The following DDI2 variants were observed in gnomAD, a reference collection of about 807,000 sequenced individuals.
DDI2 encodes DDI proteasomal shuttling factor 2, also known as protein DDI1 homolog 2.
Under a neutral mutation model 48.1 loss-of-function variants are expected in DDI2, and 5 were observed. The observed-to-expected ratio is 0.10, with a 90% CI of 0.05 to 0.22. DDI2 has a LOEUF of 0.22. DDI2 is among the 10% of genes least tolerant of loss of function. The pLI, the probability that DDI2 is intolerant of heterozygous loss-of-function variation, is 1.00. For missense variants in DDI2, 285 were observed against 506.2 expected, an observed-to-expected ratio of 0.56 and a Z score of 4.19; for synonymous variants, 205 against 183.6, an observed-to-expected ratio of 1.12 and a Z score of -0.94.
chr1:15,652,662 A>G (rs1348543523), intron 8 of DDI2, among the ~76,000 whole-genome samples: 2 of 151,900 alleles, frequency 1.3e-5, no homozygotes, highest in Non-Finnish European at 2.9e-5. Context: ...TCTCTACTAA[A>G]TATACAAAAA....
At chr1:15,620,642 A>T (rs1437662670) in intron 1 of DDI2, among the ~76,000 whole-genome samples, 1 of 152,054 alleles carries the variant, frequency 6.6e-6, no homozygotes, top group South Asian at 2.1e-4. Context: ...ACTTTCATTC[A>T]TGTATCCCTA....
rs539387238 is a variant in DDI2 at position 15,624,965 on chromosome 1, T to G, written c.139-1704T>G. The stretch of plus-strand genomic sequence containing the variant: ...ATAGTATTTTTTTTCAAGTCATGCA[T>G]AAAACTTGTATAATTGGGCCTACAA... On this transcript the variant is annotated intron_variant, in intron 1 of 9. Coordinates refer to ENST00000480945, the MANE Select transcript of DDI2 (RefSeq NM_032341.5). Among the ~76,000 whole-genome samples the G allele has an allele frequency of 3.9e-5, 6 of 152,258 alleles. No individual in the cohort carries two copies. In the South Asian group the frequency reaches 1.2e-3, roughly 32 times the overall value.
chr1:15,626,485 G>A (rs995256540), intron 1 of DDI2, among the ~76,000 whole-genome samples, 184 bp from the exon 2 acceptor site: 1 of 152,182 alleles, frequency 6.6e-6, no homozygotes, highest in Admixed American at 6.5e-5. Context: ...GAGAGCCAGG[G>A]ACCACATTGT....
At chr1:15,651,986 T>G in intron 8 of DDI2, 91 bp downstream of exon 8, 1 of 1,318,742 alleles carries the variant, frequency 7.6e-7, no homozygotes, top group Non-Finnish European at 1.0e-6. Flanking sequence ...CCTTTCCAGT[T>G]TTTAATTAGT....
intron 4 of DDI2, among the ~76,000 whole-genome samples, chr1:15,636,452 G>T (rs1329774426): frequency 1.3e-5 from 2 of 149,824 alleles, no homozygotes; most frequent in East Asian, 3.9e-4. Context: ...TTTGTTTGTT[G>T]AAGAGACAGG....
intron 5 of DDI2, 49 bp downstream of exon 5, chr1:15,638,483 C>G (rs373180986): frequency 8.0e-5 from 127 of 1,593,252 alleles, no homozygotes; most frequent in Non-Finnish European, 1.1e-4. Flanking sequence ...ACATCTTTAC[C>G]TGACACGGGA....
chr1:15,640,329 A>G (rs1208619654), intron 5 of DDI2, among the ~76,000 whole-genome samples: 1 of 152,226 alleles, frequency 6.6e-6, no homozygotes, highest in Non-Finnish European at 1.5e-5. Context: ...ACTTTGTTCT[A>G]TAATTCCTGT....
At chr1:15,640,810 A>T (rs1307352659) in intron 5 of DDI2, among the ~76,000 whole-genome samples, 1 of 152,150 alleles carries the variant, frequency 6.6e-6, no homozygotes, top group Non-Finnish European at 1.5e-5. Flanking sequence ...TATAAAGTGT[A>T]GGGTACCTGT....
chr1:15,651,910 C>G lies in DDI2; in HGVS notation c.1183+15C>G, dbSNP rs1253848987. On this transcript the variant is annotated intron_variant, in intron 8 of 9. Coordinates refer to ENST00000480945, the MANE Select transcript of DDI2 (RefSeq NM_032341.5). ...AGAGGATGCAGGTATTTGGGATGGCCAAACTCTTCAATACTTGTTATTGAT... is the reference window on the plus strand; with the variant it reads ...AGAGGATGCAGGTATTTGGGATGGCGAAACTCTTCAATACTTGTTATTGAT... The G allele has an allele frequency of 6.2e-7, 1 of 1,610,164 alleles. No homozygotes were observed. The highest frequency in any genetic ancestry group is 1.3e-5 in the African/African-American group (1 of 74,802).
In DDI2 at chr1:15,649,754, T is replaced by C; in HGVS notation, c.924T>C (p.Cys308=). The part of the protein sequence containing the change: ...QVQIEGDFLP[C]SFSILEEQPM... The stretch of plus-strand genomic sequence containing the variant: ...AGATTGAAGGAGATTTTTTGCCATG[T>C]TCCTTCTCTATACTTGAGGAACAGC... The change falls in exon 7 of 10, where the codon TGT becomes TGC. Residue 308 remains cysteine, a synonymous_variant. Coordinates refer to ENST00000480945, the MANE Select transcript of DDI2 (RefSeq NM_032341.5). The C allele has an allele frequency of 6.2e-7, 1 of 1,613,748 alleles. No individual in the cohort carries two copies. Among genetic ancestry groups the C allele is most frequent in the East Asian group, 2.2e-5 (1 of 44,856 alleles).
rs2148310771 is a variant in DDI2 at position 15,664,043 on chromosome 1, C to A, written c.*4253C>A. On this transcript the variant is annotated 3_prime_UTR_variant, in exon 10 of 10. Transcript: ENST00000480945. ...TTAGGAATACTCTGAATGAGCTTAA[C>A]CCACTTGCCAAATATCCTTGTCCCT... 6.6e-6 allele frequency: 1 copy of A among 152,224 alleles called. No individual in the cohort carries two copies. Among genetic ancestry groups the A allele is most frequent in the Non-Finnish European group, 1.5e-5 (1 of 68,022 alleles). 9.4% of individuals were successfully genotyped at this position (152,224 alleles called of 1,614,324 possible).
At chr1:15,636,049 A>C (rs1639921921) in intron 4 of DDI2, among the ~76,000 whole-genome samples, 1 of 152,218 alleles carries the variant, frequency 6.6e-6, no homozygotes, top group South Asian at 2.1e-4. Context: ...TTTTGTTGCA[A>C]AATGACTGAT....
intron 1 of DDI2, among the ~76,000 whole-genome samples, chr1:15,620,944 G>A (rs1454229819): frequency 1.3e-5 from 2 of 152,214 alleles, no homozygotes; most frequent in African/African-American, 4.8e-5. Flanking sequence ...CAATGGTTTA[G>A]AATTCAGTCT....
chr1:15,668,130 A>C lies in DDI2; in HGVS notation c.*8340A>C, dbSNP rs930928692. 2.8e-4 allele frequency: 43 copies of C among 152,118 alleles called. No homozygotes were observed. The highest frequency in any genetic ancestry group is 1.0e-3 in the African/African-American group (42 of 41,426). 9.4% of individuals were successfully genotyped at this position (152,118 alleles called of 1,614,324 possible). On this transcript the variant is annotated 3_prime_UTR_variant, in exon 10 of 10. Coordinates refer to ENST00000480945, the MANE Select transcript of DDI2 (RefSeq NM_032341.5). ...CTGCAGTATTTTTTTTCCTGGGAAC[A>C]TGCATTTCTGATGGGAAGTTATTTT... is the stretch of plus-strand genomic sequence containing the variant.
chr1:15,651,772 C>T lies in DDI2; in HGVS notation c.1060C>T (p.Pro354Ser). ...CACAGGCTCCCAGACCACCTTTCTT[C>T]CTGAGGGAGAGCTACCAGAGTGTGC... ...GTTGSQTTFL[P>S]EGELPECARL... The change falls in exon 8 of 10, where the codon CCT becomes TCT. Residue 354 changes from proline (P) to serine (S), a missense_variant. This residue lies in a region of DDI2 where 66 missense variants were observed against 87.3 expected (regional missense o/e 0.76). Transcript: ENST00000480945. The T allele has an allele frequency of 6.2e-7, 1 of 1,613,940 alleles. No individual in the cohort carries two copies. Among genetic ancestry groups the T allele is most frequent in the Non-Finnish European group, 8.5e-7 (1 of 1,179,880 alleles).
intron 7 of DDI2, 100 bp downstream of exon 7, chr1:15,649,923 T>G (rs1484307463): frequency 1.7e-6 from 2 of 1,186,596 alleles, no homozygotes; most frequent in Admixed American, 3.0e-5. Context: ...AACTAAGAAA[T>G]AACGACTTTT....
Position 15,667,562 on chromosome 1 carries a change from G to A in DDI2, c.*7772G>A, listed in dbSNP as rs1403608688. The A allele has an allele frequency of 6.6e-6, 1 of 152,242 alleles. No homozygotes were observed. The highest frequency in any genetic ancestry group is 1.5e-5 in the Non-Finnish European group (1 of 68,062). The allele number at this position is 152,242 out of a possible 1,614,324, so 9.4% of individuals were successfully genotyped here. ...ATTTTAAAGCAGCTGGGTGCAACTT[G>A]TGAAAACGGGAATCTAGAGCAGAAC... On this transcript the variant is annotated 3_prime_UTR_variant, in exon 10 of 10. Coordinates refer to ENST00000480945, the MANE Select transcript of DDI2 (RefSeq NM_032341.5).
In DDI2 at chr1:15,663,190, A is replaced by T. The variant is rs377482720; in HGVS notation, c.*3400A>T. 1.2e-4 allele frequency: 19 copies of T among 152,350 alleles called. No individual in the cohort carries two copies. The South Asian group carries it at 3.7e-3, about 30-fold the overall frequency. The allele number at this position is 152,350 out of a possible 1,614,324, so 9.4% of individuals were successfully genotyped here. A position where few individuals can be genotyped will look rare whatever the true frequency, so the allele number is the denominator to read the frequency against. ...ACATGTTTGAAACAGAAGCTTCGAA[A>T]GAGTGATTTCTCAACTTAGTGTTAA... is the stretch of plus-strand genomic sequence containing the variant. On this transcript the variant is annotated 3_prime_UTR_variant, in exon 10 of 10. Transcript: ENST00000480945.
intron 5 of DDI2, among the ~76,000 whole-genome samples, chr1:15,642,574 C>T (rs1040027031): frequency 1.3e-5 from 2 of 152,134 alleles, no homozygotes; most frequent in African/African-American, 4.8e-5. Context: ...TCTTGGCCTC[C>T]TGAAGTACGA....
Sources: allele counts gnomAD v4.1 joint callset (sites outside exome capture counted in the v4.1 genomes callset), GRCh38; gene constraint gnomAD v4.1.1; regional missense constraint gnomAD v4.1.1; transcripts MANE v1.5; gene names NCBI Gene and HGNC (gene_info 2026-07-23, HGNC 2026-07-21).